SCRG1: variants seen among roughly 807,000 people sequenced by gnomAD.
The protein encoded by SCRG1 is scrapie-responsive protein 1.
SCRG1 carries 3 observed loss-of-function variants against 7.7 expected under a neutral mutation model. The observed-to-expected ratio is 0.39, with a 90% CI of 0.18 to 1.01. The LOEUF is 1.01. SCRG1 is among the 50% of genes least tolerant of loss of function. SCRG1 has a pLI of 0.36. For missense variants in SCRG1, 110 were observed against 117.2 expected (o/e 0.94, Z 0.28); for synonymous variants, 46 against 41.2 (o/e 1.12, Z -0.44).
upstream of SCRG1, among the ~76,000 whole-genome samples, chr4:173,399,828 T>C (rs556219321): frequency 6.6e-6 from 1 of 152,342 alleles, no homozygotes; most frequent in South Asian, 2.1e-4. Context: ...AGTAGTGTTT[T>C]GGGAATTAGA....
the SCRG1 span, among the ~76,000 whole-genome samples, chr4:173,444,033 G>T: frequency 6.6e-6 from 1 of 151,622 alleles, no homozygotes; most frequent in Non-Finnish European, 1.5e-5. Flanking sequence ...GAGTGCAATG[G>T]TGTGATCTCG....
the SCRG1 span, among the ~76,000 whole-genome samples, chr4:173,476,360 A>AT: frequency 0.15 from 15,040 of 102,274 alleles, 1,445 homozygotes; most frequent in African/African-American, 0.22. Context: ...GGGGGAAAAA[A>AT]AAAATATATA....
the SCRG1 span, among the ~76,000 whole-genome samples, chr4:173,444,123 G>A: frequency 2.6e-5 from 4 of 151,906 alleles, no homozygotes; most frequent in African/African-American, 4.8e-5. Context: ...ACAGGTGCCC[G>A]CCACCACGCC....
chr4:173,400,768 C>T (rs561869114), upstream of SCRG1, among the ~76,000 whole-genome samples: 60 of 152,254 alleles, frequency 3.9e-4, no homozygotes, highest in African/African-American at 1.4e-3. Context: ...AGGTAACCTG[C>T]CCCAAATCAC....
At chr4:173,423,958 C>T in the SCRG1 span, among the ~76,000 whole-genome samples, 2 of 152,070 alleles carry the variant, frequency 1.3e-5, no homozygotes, top group East Asian at 3.8e-4. Context: ...AATAACTTAC[C>T]CTTTCATCAG....
chr4:173,417,560 T>A, the SCRG1 span, among the ~76,000 whole-genome samples: 6 of 152,176 alleles, frequency 3.9e-5, no homozygotes, highest in East Asian at 9.7e-4. Flanking sequence ...GACCTCATGA[T>A]CTCATTTCTT....
At chr4:173,454,511 A>G in the SCRG1 span, among the ~76,000 whole-genome samples, 4 of 152,206 alleles carry the variant, frequency 2.6e-5, no homozygotes, top group African/African-American at 7.2e-5. Flanking sequence ...TTTCTTCACT[A>G]AAGAGTACCA....
In SCRG1 at chr4:173,394,644, C is replaced by CA. The variant is rs745945312; in HGVS notation, c.-14-3217dup. 5.2e-3 allele frequency among the ~76,000 whole-genome samples: 657 copies of CA among 126,518 alleles called. 5 individuals are homozygous for CA. Among genetic ancestry groups the CA allele is most frequent in the Non-Finnish European group, 8.2e-3 (439 of 53,482 alleles). The allele number at this position is 126,518 out of a possible 152,430, so 83.0% of individuals were successfully genotyped here. A position where few individuals can be genotyped will look rare whatever the true frequency, so the allele number is the denominator to read the frequency against. ...TGGGTGACAGAGAGAGACTCCGTCT[C>CA]AAAAAAAAAATTATAATTATAAGTC... On this transcript the variant is annotated intron_variant, in intron 1 of 2. Transcript: ENST00000296506.
chr4:173,397,514 T>A (rs2126919398), intron 1 of SCRG1, among the ~76,000 whole-genome samples: 1 of 152,326 alleles, frequency 6.6e-6, no homozygotes, highest in African/African-American at 2.4e-5. Flanking sequence ...ATGATACCAT[T>A]TATATCCTAA....
chr4:173,428,273 C>A, the SCRG1 span, among the ~76,000 whole-genome samples: 2 of 152,114 alleles, frequency 1.3e-5, no homozygotes, highest in Non-Finnish European at 2.9e-5. Flanking sequence ...GAACTTTTTT[C>A]TTTGATTTTG....
chr4:173,413,234 A>G, the SCRG1 span, among the ~76,000 whole-genome samples: 1 of 152,236 alleles, frequency 6.6e-6, no homozygotes, highest in Non-Finnish European at 1.5e-5. Context: ...TATTCAATTC[A>G]AGGCAAAGCA....
chr4:173,454,364 G>A, the SCRG1 span, among the ~76,000 whole-genome samples: 1 of 152,134 alleles, frequency 6.6e-6, no homozygotes, highest in Non-Finnish European at 1.5e-5. Flanking sequence ...CAACACAGAG[G>A]AGGATGGGCC....
At chr4:173,419,394 C>G in the SCRG1 span, 1 of 1,216,724 alleles carries the variant, frequency 8.2e-7, no homozygotes, top group Non-Finnish European at 1.2e-6. Context: ...ACTGGATTCT[C>G]TCGTACAGCA....
the SCRG1 span, among the ~76,000 whole-genome samples, chr4:173,483,920 T>G: frequency 1.2e-5 from 1 of 81,704 alleles, no homozygotes; most frequent in Admixed American, 1.9e-4. Context: ...TAATATATGT[T>G]ATATATTTCA....
chr4:173,515,526 C>T, the SCRG1 span, among the ~76,000 whole-genome samples: 1 of 152,078 alleles, frequency 6.6e-6, no homozygotes, highest in Non-Finnish European at 1.5e-5. The surrounding 1 kb of genome is among the most constrained non-coding windows in gnomAD (Gnocchi z 4.6). Flanking sequence ...AAAGGATATA[C>T]TTTCATTAGG....
the SCRG1 span, among the ~76,000 whole-genome samples, chr4:173,474,520 T>C: frequency 4.6e-5 from 7 of 152,338 alleles, no homozygotes; most frequent in East Asian, 5.8e-4. Context: ...AGAAATTTGA[T>C]TCCTTCAAAT....
At chr4:173,427,769 G>C in the SCRG1 span, among the ~76,000 whole-genome samples, 1 of 152,172 alleles carries the variant, frequency 6.6e-6, no homozygotes, top group Non-Finnish European at 1.5e-5. Context: ...TGGGAGTTAG[G>C]ACTCTAACAT....
chr4:173,514,819 A>G, the SCRG1 span, among the ~76,000 whole-genome samples: 1 of 152,248 alleles, frequency 6.6e-6, no homozygotes, highest in Admixed American at 6.5e-5. Context: ...GCTAATAAAC[A>G]ACTTAAGCCA....
the SCRG1 span, among the ~76,000 whole-genome samples, chr4:173,485,056 T>TATATAATATATA: frequency 8.9e-4 from 12 of 13,424 alleles, 1 homozygote; most frequent in Non-Finnish European, 1.2e-3. Context: ...TATAATATAT[T>TATATAATATATA]ATATATTATA....
Sources: gnomAD v4.1 joint callset for allele counts (sites outside exome capture counted in the v4.1 genomes callset) on GRCh38, gnomAD v4.1.1 for gene constraint, Gnocchi (gnomAD v3.1) non-coding constraint, MANE v1.5 for transcripts, NCBI Gene and HGNC (gene_info 2026-07-23, HGNC 2026-07-21) for gene names.